EXOC6B: variants seen among roughly 807,000 people sequenced by gnomAD.
EXOC6B encodes the protein SEC15 homolog B.
Under a neutral mutation model 113.5 loss-of-function variants are expected in EXOC6B, and 54 were observed. That is an observed-to-expected ratio of 0.48 (90% CI 0.38 to 0.60). The LOEUF (loss-of-function observed/expected upper bound fraction) is 0.60. Ranked by LOEUF, EXOC6B falls within the 20% of genes least tolerant of loss-of-function variation. The pLI is 0.00. For synonymous variants in EXOC6B, 357 were observed against 339.0 expected (o/e 1.05, Z -0.58); for missense variants, 797 against 977.5 (o/e 0.82, Z 2.46).
intron 6 of EXOC6B, among the ~76,000 whole-genome samples, chr2:72,704,019 T>A (rs1387344305): frequency 2.6e-5 from 4 of 151,722 alleles, no homozygotes; most frequent in Admixed American, 6.6e-5. Context: ...ATCAACAGAA[T>A]ATACATTTTT....
chr2:72,194,522 G>A (rs969712426), intron 20 of EXOC6B, among the ~76,000 whole-genome samples: 3 of 150,540 alleles, frequency 2.0e-5, no homozygotes, highest in Non-Finnish European at 2.9e-5. Flanking sequence ...CCTCAATCCC[G>A]GTCTTTAGAC....
intron 8 of EXOC6B, among the ~76,000 whole-genome samples, chr2:72,550,921 T>TA (rs1703181898): frequency 2.3e-5 from 3 of 132,438 alleles, no homozygotes; most frequent in Non-Finnish European, 3.4e-5. Flanking sequence ...TTTTTTTTAT[T>TA]TTTTTTTTTT....
intron 19 of EXOC6B, among the ~76,000 whole-genome samples, chr2:72,345,799 G>A (rs1268203571): frequency 6.6e-6 from 1 of 152,158 alleles, no homozygotes; most frequent in Non-Finnish European, 1.5e-5. Context: ...TGTACAACAC[G>A]AAGAGTGAAC....
intron 19 of EXOC6B, among the ~76,000 whole-genome samples, chr2:72,374,742 C>T (rs181445242): frequency 1.3e-5 from 2 of 150,946 alleles, no homozygotes; most frequent in African/African-American, 4.9e-5. Context: ...TTCCATTTTT[C>T]ATGATGTGAT....
chr2:72,394,769 T>G (rs542301630), intron 18 of EXOC6B, among the ~76,000 whole-genome samples: 1 of 152,152 alleles, frequency 6.6e-6, no homozygotes, highest in Non-Finnish European at 1.5e-5. Flanking sequence ...AAGGTCATGA[T>G]GAAATAATCT....
At chr2:72,760,326 G>C (rs1462417661) in intron 1 of EXOC6B, among the ~76,000 whole-genome samples, 1 of 152,134 alleles carries the variant, frequency 6.6e-6, no homozygotes, top group Admixed American at 6.5e-5. Context: ...TAGGTTTCAA[G>C]ACAGTGTTAG....
At chr2:72,434,708 A>G (rs543313969) in intron 18 of EXOC6B, among the ~76,000 whole-genome samples, 14 of 152,294 alleles carry the variant, frequency 9.2e-5, no homozygotes, top group African/African-American at 3.1e-4. Flanking sequence ...TGTTTATAGT[A>G]TTCCCTGATG....
intron 17 of EXOC6B, among the ~76,000 whole-genome samples, chr2:72,468,483 G>A (rs1433370658): frequency 1.3e-5 from 2 of 152,116 alleles, no homozygotes; most frequent in African/African-American, 4.8e-5. Flanking sequence ...TTATGTCAGG[G>A]TTATTTTGTT....
intron 6 of EXOC6B, among the ~76,000 whole-genome samples, chr2:72,608,088 C>G (rs1670857161): frequency 6.6e-6 from 1 of 152,048 alleles, no homozygotes; most frequent in South Asian, 2.1e-4. Context: ...TGAATAGACA[C>G]TGCTAATAAA....
chr2:72,610,792 A>C (rs1251336201), intron 6 of EXOC6B, among the ~76,000 whole-genome samples: 1 of 152,170 alleles, frequency 6.6e-6, no homozygotes, highest in Non-Finnish European at 1.5e-5. Context: ...CCACCACCTT[A>C]AGCATGGGCT....
intron 20 of EXOC6B, among the ~76,000 whole-genome samples, chr2:72,235,708 C>G (rs1681918587): frequency 6.6e-6 from 1 of 151,984 alleles, no homozygotes; most frequent in Non-Finnish European, 1.5e-5. Flanking sequence ...AGCCACAGCC[C>G]TTTGAATATG....
chr2:72,782,262 C>T (rs1278995759), intron 1 of EXOC6B, among the ~76,000 whole-genome samples: 1 of 152,026 alleles, frequency 6.6e-6, no homozygotes, highest in African/African-American at 2.4e-5. Flanking sequence ...ATGCCTAAAT[C>T]TCCTTTATCT....
chr2:72,176,831 G>T lies in EXOC6B; in HGVS notation c.*2504C>A, dbSNP rs1362147890. 1 of 152,142 alleles carries T rather than the reference G, an allele frequency of 6.6e-6. No homozygotes were observed. The highest frequency in any genetic ancestry group is 2.4e-5 in the African/African-American group (1 of 41,414). 9.4% of individuals were successfully genotyped at this position (152,142 alleles called of 1,614,324 possible). On this transcript the variant is annotated 3_prime_UTR_variant, in exon 22 of 22. Coordinates refer to ENST00000272427, the MANE Select transcript of EXOC6B (RefSeq NM_015189.3). ...CCATCTGTGTGCTTGCCCTCTTATT[G>T]AGGCCCTCCACGGTACTTCTACATC...
At chr2:72,522,567 T>C (rs1701550100) in intron 8 of EXOC6B, among the ~76,000 whole-genome samples, 1 of 152,228 alleles carries the variant, frequency 6.6e-6, no homozygotes, top group Non-Finnish European at 1.5e-5. Flanking sequence ...ATTCATGATC[T>C]CATAATGCTT....
chr2:72,363,446 C>T (rs1337001292), intron 19 of EXOC6B, among the ~76,000 whole-genome samples: 1 of 152,078 alleles, frequency 6.6e-6, no homozygotes, highest in Admixed American at 6.6e-5. Context: ...AGAAGTTTCA[C>T]AGACAACTAT....
intron 11 of EXOC6B, among the ~76,000 whole-genome samples, chr2:72,509,969 G>A (rs1700806933): frequency 6.6e-6 from 1 of 152,120 alleles, no homozygotes; most frequent in African/African-American, 2.4e-5. Context: ...GACTAGCTGG[G>A]ATAACAGGCA....
chr2:72,460,764 T>G (rs542271451), intron 18 of EXOC6B, among the ~76,000 whole-genome samples: 1 of 152,118 alleles, frequency 6.6e-6, no homozygotes, highest in Non-Finnish European at 1.5e-5. Context: ...TTGGTGGGAC[T>G]GTAAACTAGT....
chr2:72,426,646 C>T (rs773132451), intron 18 of EXOC6B, among the ~76,000 whole-genome samples: 1 of 152,152 alleles, frequency 6.6e-6, no homozygotes. Context: ...CAAAGCGATC[C>T]TCTGTCAGAC....
At position 72,225,856 on chromosome 2, in the gene EXOC6B, A is replaced by C. The variant is rs111827041; in HGVS notation, c.2197-41669T>G. Among the ~76,000 whole-genome samples the C allele has an allele frequency of 6.1e-3, 926 of 152,316 alleles. 11 individuals are homozygous for C. Among genetic ancestry groups the C allele is most frequent in the African/African-American group, 0.021 (866 of 41,570 alleles). The stretch of plus-strand genomic sequence containing the variant: ...ACTATAAAAAATGACACAGTGAATA[A>C]TTTGGTAAATGCATGTAAGTATATA... On this transcript the variant is annotated intron_variant, in intron 20 of 21. Coordinates refer to ENST00000272427, the MANE Select transcript of EXOC6B (RefSeq NM_015189.3).
Sources: allele counts gnomAD v4.1 joint callset (sites outside exome capture counted in the v4.1 genomes callset), GRCh38; gene constraint gnomAD v4.1.1; transcripts MANE v1.5; gene names NCBI Gene and HGNC (gene_info 2026-07-23, HGNC 2026-07-21).